The following KCNIP4 variants were observed in gnomAD, a reference collection of about 807,000 sequenced individuals.
KCNIP4 encodes potassium voltage-gated channel interacting protein 4, also known as Kv channel-interacting protein 4.
Under a neutral mutation model 34.0 loss-of-function variants are expected in KCNIP4, and 12 were observed. The observed-to-expected ratio is 0.35, with a 90% confidence interval of 0.23 to 0.57. KCNIP4 has a LOEUF of 0.57. Among genes scored for constraint, KCNIP4 ranks in the 20% least tolerant of loss-of-function variants. The pLI, the probability that KCNIP4 is intolerant of heterozygous loss-of-function variation, is 0.83. For synonymous variants in KCNIP4, 124 were observed against 102.2 expected (o/e 1.21, Z -1.29); for missense variants, 238 against 311.7 (o/e 0.76, Z 1.78).
intron 1 of KCNIP4, among the ~76,000 whole-genome samples, chr4:21,245,277 T>A (rs985153654): frequency 3.9e-5 from 6 of 152,204 alleles, no homozygotes; most frequent in African/African-American, 1.4e-4. Context: ...AGGGTTACTC[T>A]TATCTTAGGC....
intron 1 of KCNIP4, among the ~76,000 whole-genome samples, chr4:21,488,776 T>C (rs2109853776): frequency 6.6e-6 from 1 of 152,232 alleles, no homozygotes; most frequent in Admixed American, 6.5e-5. Context: ...GTAAAATTCC[T>C]AATGATTAAT....
chr4:20,758,180 A>G (rs924180913), intron 4 of KCNIP4, among the ~76,000 whole-genome samples: 1 of 152,176 alleles, frequency 6.6e-6, no homozygotes, highest in Non-Finnish European at 1.5e-5. Context: ...AATGGCAAGA[A>G]TATCTTTTCA....
chr4:21,474,538 C>T (rs1730752390), intron 1 of KCNIP4, among the ~76,000 whole-genome samples: 1 of 152,146 alleles, frequency 6.6e-6, no homozygotes, highest in Admixed American at 6.5e-5. Context: ...ACTCTCCCTT[C>T]CACAGTGGCT....
At chr4:21,741,686 T>C (rs1328560068) in intron 1 of KCNIP4, among the ~76,000 whole-genome samples, 1 of 152,164 alleles carries the variant, frequency 6.6e-6, no homozygotes, top group Non-Finnish European at 1.5e-5. Flanking sequence ...AGAGCACTTT[T>C]GAAACACTGG....
At chr4:21,765,840 C>A (rs80039746) in intron 1 of KCNIP4, among the ~76,000 whole-genome samples, 16,898 of 99,776 alleles carry the variant, frequency 0.17, 1,054 homozygotes, top group Non-Finnish European at 0.21. Context: ...AAAAAAAAAA[C>A]AAACTGAAGA....
intron 1 of KCNIP4, among the ~76,000 whole-genome samples, chr4:21,451,524 T>C (rs1728505351): frequency 1.3e-5 from 2 of 152,172 alleles, no homozygotes; most frequent in Admixed American, 1.3e-4. Flanking sequence ...AATGAAAAAA[T>C]CCCTATTTTT....
At chr4:20,915,154 T>C (rs537666718) in intron 1 of KCNIP4, among the ~76,000 whole-genome samples, 1 of 152,366 alleles carries the variant, frequency 6.6e-6, no homozygotes, top group South Asian at 2.1e-4. Context: ...CAACAAACGC[T>C]ATTTATTCTC....
intron 1 of KCNIP4, among the ~76,000 whole-genome samples, chr4:20,899,945 A>G (rs1451801445): frequency 6.6e-6 from 1 of 152,232 alleles, no homozygotes; most frequent in Admixed American, 6.5e-5. Flanking sequence ...AAATGCTAGC[A>G]TCACTCAATT....
intron 1 of KCNIP4, among the ~76,000 whole-genome samples, chr4:20,969,594 G>T (rs1301039034): frequency 6.6e-6 from 1 of 151,924 alleles, no homozygotes; most frequent in East Asian, 1.9e-4. Context: ...ACCTGAAACA[G>T]TTCATTCTCT....
intron 1 of KCNIP4, among the ~76,000 whole-genome samples, chr4:21,270,668 A>G (rs1302515846): frequency 6.6e-6 from 1 of 152,084 alleles, no homozygotes; most frequent in East Asian, 1.9e-4. Context: ...TTTTTCCAGC[A>G]CTTGGAAGAA....
intron 1 of KCNIP4, chr4:21,845,611 A>T (rs1298307266): frequency 6.6e-6 from 1 of 151,992 alleles, no homozygotes; most frequent in African/African-American, 2.4e-5. Context: ...GTTACATAGG[A>T]GCTTGACACT....
chr4:21,033,023 T>C (rs1226697361), intron 1 of KCNIP4, among the ~76,000 whole-genome samples: 1 of 152,150 alleles, frequency 6.6e-6, no homozygotes, highest in African/African-American at 2.4e-5. Flanking sequence ...CAGGTTTACT[T>C]TTTTAGATAT....
intron 1 of KCNIP4, among the ~76,000 whole-genome samples, chr4:21,715,112 G>A (rs1714248357): frequency 6.9e-6 from 1 of 144,880 alleles, no homozygotes; most frequent in Non-Finnish European, 1.5e-5. Context: ...ATGGAGTCTG[G>A]CTGTGTCGCC....
intron 1 of KCNIP4, among the ~76,000 whole-genome samples, chr4:20,942,758 G>A (rs192799206): frequency 0.013 from 1,951 of 152,050 alleles, 51 homozygotes; most frequent in African/African-American, 0.045. Context: ...TGCAACCTCC[G>A]CCTCCCGGGT....
chr4:21,059,783 CTT>C (rs1743753717), intron 1 of KCNIP4, among the ~76,000 whole-genome samples: 1 of 152,042 alleles, frequency 6.6e-6, no homozygotes, highest in East Asian at 1.9e-4. Context: ...ATATGCATCT[CTT>C]TTCATTTCAT....
At chr4:21,313,274 C>T (rs1713384124) in intron 1 of KCNIP4, among the ~76,000 whole-genome samples, 1 of 152,152 alleles carries the variant, frequency 6.6e-6, no homozygotes, top group Non-Finnish European at 1.5e-5. Context: ...AGATTTCCTT[C>T]CAAATATCGT....
At position 21,089,886 on chromosome 4, in the gene KCNIP4, G is replaced by C. The variant is rs11943202; in HGVS notation, c.62-207177C>G. On this transcript the variant is annotated intron_variant, in intron 1 of 8. Transcript: ENST00000382152. The stretch of plus-strand genomic sequence containing the variant: ...CTGATCTCTGGATAACCCTATACTG[G>C]TTGTCTATTCTATGACACATCACAC... Among the ~76,000 whole-genome samples the C allele has an allele frequency of 5.5e-3, 835 of 152,228 alleles. 11 individuals carry two copies. Among genetic ancestry groups the C allele is most frequent in the African/African-American group, 0.019 (801 of 41,532 alleles).
chr4:21,444,066 C>T (rs544696579), intron 1 of KCNIP4, among the ~76,000 whole-genome samples: 12 of 152,240 alleles, frequency 7.9e-5, no homozygotes, highest in Admixed American at 7.9e-4. Flanking sequence ...CCTCCCAAGA[C>T]TAAACCAGGA....
At chr4:21,926,818 C>T (rs1401386715) in intron 1 of KCNIP4, among the ~76,000 whole-genome samples, 1 of 152,162 alleles carries the variant, frequency 6.6e-6, no homozygotes. Flanking sequence ...TATATCCTTT[C>T]TCTAAGTATG....
Sources: allele counts gnomAD v4.1 joint callset (sites outside exome capture counted in the v4.1 genomes callset), GRCh38; gene constraint gnomAD v4.1.1; transcripts MANE v1.5; gene names NCBI Gene and HGNC (gene_info 2026-07-23, HGNC 2026-07-21).